FBXL7: variants seen among roughly 807,000 people sequenced by gnomAD.
FBXL7 encodes the protein F-box/LRR-repeat protein 7.
Under a neutral mutation model 38.3 loss-of-function variants are expected in FBXL7, and 12 were observed. The ratio of observed to expected loss-of-function variants is 0.31; its 90% CI spans 0.20 to 0.51. The LOEUF (loss-of-function observed/expected upper bound fraction) is 0.51, where lower values mean the gene tolerates loss of function less well. FBXL7 is among the 20% of genes least tolerant of loss of function. The pLI, the probability that FBXL7 is intolerant of heterozygous loss-of-function variation, is 0.98. For missense variants in FBXL7, 567 were observed against 676.4 expected (o/e 0.84, Z 1.79); for synonymous variants, 297 against 300.9 (o/e 0.99, Z 0.13).
chr5:15,884,868 G>A (rs1222780876), intron 2 of FBXL7, among the ~76,000 whole-genome samples: 1 of 152,124 alleles, frequency 6.6e-6, no homozygotes, highest in African/African-American at 2.4e-5. Context: ...AATATAATAA[G>A]CTGTGTATAT....
chr5:15,881,506 T>G (rs572952142), intron 2 of FBXL7, among the ~76,000 whole-genome samples: 1 of 152,370 alleles, frequency 6.6e-6, no homozygotes, highest in Non-Finnish European at 1.5e-5. Flanking sequence ...AGTATCTTTT[T>G]CATATCATGA....
intron 2 of FBXL7, among the ~76,000 whole-genome samples, chr5:15,831,445 A>G (rs1053244289): frequency 6.6e-6 from 1 of 152,202 alleles, no homozygotes; most frequent in Admixed American, 6.5e-5. Flanking sequence ...CCAAAGTGCC[A>G]TTCACACAAC....
At chr5:15,716,937 A>T (rs1415011903) in intron 2 of FBXL7, among the ~76,000 whole-genome samples, 4 of 152,168 alleles carry the variant, frequency 2.6e-5, no homozygotes, top group African/African-American at 9.7e-5. Flanking sequence ...GTCTAGTCTT[A>T]TTTCCAAATT....
chr5:15,749,244 C>CAAAAA lies in FBXL7; in HGVS notation c.127+133192_127+133196dup, dbSNP rs70938027. Among the ~76,000 whole-genome samples, 218 of 70,090 alleles carry CAAAAA rather than the reference C, an allele frequency of 3.1e-3. 5 individuals carry two copies. The highest frequency in any genetic ancestry group is 0.013 in the African/African-American group (206 of 16,228). The allele number at this position is 70,090 out of a possible 152,430, so 46.0% of individuals were successfully genotyped here. A position where few individuals can be genotyped will look rare whatever the true frequency, so the allele number is the denominator to read the frequency against. On this transcript the variant is annotated intron_variant, in intron 2 of 3. Transcript: ENST00000504595. ...TGGCCAACAGAGTGAGACTCTGTCT[C>CAAAAA]AAAAAAAAAAAAAAAAAAAAAAAAT...
intron 2 of FBXL7, among the ~76,000 whole-genome samples, chr5:15,920,474 C>T (rs1388562437): frequency 2.0e-5 from 3 of 152,078 alleles, no homozygotes; most frequent in Admixed American, 6.6e-5. Flanking sequence ...TTGCCATCTA[C>T]TCTGTGTATC....
chr5:15,693,010 A>G (rs947439366), intron 2 of FBXL7, among the ~76,000 whole-genome samples: 1 of 152,138 alleles, frequency 6.6e-6, no homozygotes, highest in Non-Finnish European at 1.5e-5. Context: ...AAACAAAACA[A>G]TGAGTTCCAT....
intron 1 of FBXL7, among the ~76,000 whole-genome samples, chr5:15,529,690 C>A (rs1399355930): frequency 6.6e-6 from 1 of 152,102 alleles, no homozygotes; most frequent in Non-Finnish European, 1.5e-5. Flanking sequence ...GCCCGGCCAA[C>A]CTAACTTCTT....
At position 15,578,622 on chromosome 5, in the gene FBXL7, A is replaced by G. The variant is rs76273351; in HGVS notation, c.38-37361A>G. 1.4e-3 allele frequency among the ~76,000 whole-genome samples: 208 copies of G among 151,712 alleles called. 4 individuals are homozygous for G. The East Asian group carries it at 0.023, about 17-fold the overall frequency. Reference sequence around the variant, plus strand: ...TTGGATCCCTCATGAGATTTTCATGACCCCCCGTGATGCTACAAGGGATCC... The same window carrying G: ...TTGGATCCCTCATGAGATTTTCATGGCCCCCCGTGATGCTACAAGGGATCC... On this transcript the variant is annotated intron_variant, in intron 1 of 3. Transcript: ENST00000504595.
intron 2 of FBXL7, among the ~76,000 whole-genome samples, chr5:15,839,751 T>C (rs928545605): frequency 2.0e-5 from 3 of 152,148 alleles, no homozygotes; most frequent in Non-Finnish European, 2.9e-5. Flanking sequence ...TCCTCCTCCT[T>C]TTCTTTTTCT....
At position 15,732,640 on chromosome 5, in the gene FBXL7, A is replaced by T. The variant is rs150571183; in HGVS notation, c.127+116568A>T. 3.1e-3 allele frequency among the ~76,000 whole-genome samples: 465 copies of T among 152,332 alleles called. 1 individual carries two copies. Among genetic ancestry groups the T allele is most frequent in the Non-Finnish European group, 5.6e-3 (379 of 68,038 alleles). On this transcript the variant is annotated intron_variant, in intron 2 of 3. Transcript: ENST00000504595. ...TGGTTTAAAGTCAGAATGATGGTAC[A>T]TAGTTCATATATGTTAAGATTACGA...
In FBXL7 at chr5:15,697,223, G is replaced by A. The variant is rs114100536; in HGVS notation, c.127+81151G>A. 4.3e-3 allele frequency among the ~76,000 whole-genome samples: 654 copies of A among 152,192 alleles called. 4 individuals are homozygous for A. Among genetic ancestry groups the A allele is most frequent in the African/African-American group, 0.015 (611 of 41,520 alleles). ...TGTTTTTGTTGGGCCTTAAGGAATA[G>A]GTCCTCTCTGGTTAGGTGAAGATTT... On this transcript the variant is annotated intron_variant, in intron 2 of 3. Coordinates refer to ENST00000504595, the MANE Select transcript of FBXL7 (RefSeq NM_012304.5).
intron 2 of FBXL7, among the ~76,000 whole-genome samples, chr5:15,710,901 C>T (rs1336286615): frequency 6.6e-6 from 1 of 152,130 alleles, no homozygotes; most frequent in Non-Finnish European, 1.5e-5. Context: ...ACCCAAATCT[C>T]ATCTTCAATT....
Position 15,685,855 on chromosome 5 carries a change from G to T in FBXL7, c.127+69783G>T, listed in dbSNP as rs567239021. 5.3e-5 allele frequency among the ~76,000 whole-genome samples: 8 copies of T among 152,266 alleles called. No homozygotes were observed. The South Asian group carries it at 1.5e-3, about 28-fold the overall frequency. On this transcript the variant is annotated intron_variant, in intron 2 of 3. Transcript: ENST00000504595. ...TTAATAAACTTAGTTATTATTATGA[G>T]AACCTACTGCATTACAACTTGGAGT...
intron 2 of FBXL7, among the ~76,000 whole-genome samples, chr5:15,822,348 C>G (rs572202584): frequency 5.3e-4 from 81 of 152,066 alleles, no homozygotes; most frequent in African/African-American, 2.0e-3. Flanking sequence ...GGTGACAGAG[C>G]ACGACTCCAT....
intron 2 of FBXL7, among the ~76,000 whole-genome samples, chr5:15,914,335 G>A (rs879742577): frequency 6.8e-6 from 1 of 147,828 alleles, no homozygotes; most frequent in Middle Eastern, 3.3e-3. Flanking sequence ...GCAGTGAGCC[G>A]AGATCGCGCC....
intron 2 of FBXL7, among the ~76,000 whole-genome samples, chr5:15,812,545 A>C (rs1175883074): frequency 2.0e-5 from 3 of 152,092 alleles, no homozygotes; most frequent in Non-Finnish European, 4.4e-5. Flanking sequence ...CTTGTAGTAT[A>C]GTTTGAAGTC....
chr5:15,620,230 CTTTTT>C (rs796293132), intron 2 of FBXL7, among the ~76,000 whole-genome samples: 1 of 134,138 alleles, frequency 7.5e-6, no homozygotes, highest in African/African-American at 2.7e-5. Flanking sequence ...TTCTTTTTTT[CTTTTT>C]TTTTTTTTTT....
intron 2 of FBXL7, among the ~76,000 whole-genome samples, chr5:15,621,017 C>T (rs1166532763): frequency 6.6e-6 from 1 of 152,214 alleles, no homozygotes; most frequent in Non-Finnish European, 1.5e-5. Flanking sequence ...CCAGCTAATC[C>T]ACTCTGGGTC....
rs143447770 is a variant in FBXL7, at chr5:15,710,213, G to A, written c.127+94141G>A. Among the ~76,000 whole-genome samples the A allele has an allele frequency of 1.4e-3, 209 of 152,224 alleles. 2 individuals carry two copies. Among genetic ancestry groups the A allele is most frequent in the African/African-American group, 4.9e-3 (202 of 41,540 alleles). On this transcript the variant is annotated intron_variant, in intron 2 of 3. Coordinates refer to ENST00000504595, the MANE Select transcript of FBXL7 (RefSeq NM_012304.5). ...AGTAGAGGCAATGTCCTTGCAATAC[G>A]GATAAGATTCTACATATGGCTGAGC...
Sources: allele counts gnomAD v4.1 joint callset (sites outside exome capture counted in the v4.1 genomes callset), GRCh38; gene constraint gnomAD v4.1.1; transcripts MANE v1.5; gene names NCBI Gene and HGNC (gene_info 2026-07-23, HGNC 2026-07-21).